SLC2A9: variants seen among roughly 807,000 people sequenced by gnomAD.
SLC2A9 encodes the protein solute carrier family 2 member 9.
In SLC2A9, 39 loss-of-function variants were observed where a neutral mutation model predicts 50.6. That is an observed-to-expected ratio of 0.77 (90% CI 0.60 to 1.01). The LOEUF is 1.01. Ranked by LOEUF, SLC2A9 falls within the 50% of genes least tolerant of loss-of-function variation. The probability of loss-of-function intolerance (pLI) is 0.00; values close to 1 mark genes in which losing one functional copy is unlikely to be tolerated. For missense variants in SLC2A9, 686 were observed against 677.6 expected (o/e 1.01, Z -0.14); for synonymous variants, 324 against 276.9 (o/e 1.17, Z -1.69).
chr4:9,871,362 G>C (rs1577626554), intron 10 of SLC2A9, among the ~76,000 whole-genome samples: 1 of 152,168 alleles, frequency 6.6e-6, no homozygotes, highest in Admixed American at 6.5e-5. Context: ...AATTTATTCT[G>C]TCATTGTTCT....
chr4:9,862,089 T>G (rs1731752320), intron 10 of SLC2A9, among the ~76,000 whole-genome samples: 1 of 152,162 alleles, frequency 6.6e-6, no homozygotes, highest in South Asian at 2.1e-4. Flanking sequence ...AAGAAGTAGA[T>G]GCAGGAAGGC....
chr4:9,971,803 A>G (rs946843110), intron 5 of SLC2A9, among the ~76,000 whole-genome samples: 1 of 152,240 alleles, frequency 6.6e-6, no homozygotes, highest in East Asian at 1.9e-4. Flanking sequence ...GAAGATTCTC[A>G]TATACAGATG....
intron 6 of SLC2A9, among the ~76,000 whole-genome samples, chr4:9,930,719 AG>A (rs1347394099): frequency 2.0e-5 from 3 of 152,220 alleles, no homozygotes; most frequent in Non-Finnish European, 4.4e-5. Context: ...CTTGGCTCTG[AG>A]GTCAGAACAA....
intron 10 of SLC2A9, among the ~76,000 whole-genome samples, chr4:9,840,768 C>T (rs1297555423): frequency 2.1e-5 from 3 of 143,048 alleles, no homozygotes; most frequent in Non-Finnish European, 1.5e-5. Flanking sequence ...TTTTGCACTG[C>T]TATAAAGATA....
intron 5 of SLC2A9, among the ~76,000 whole-genome samples, chr4:9,959,263 G>A (rs990163998): frequency 4.3e-4 from 66 of 151,824 alleles, no homozygotes; most frequent in Admixed American, 1.7e-3. Flanking sequence ...GTGGTGGCGG[G>A]GGCATGTAAT....
chr4:9,854,622 T>A (rs967339444), intron 10 of SLC2A9, among the ~76,000 whole-genome samples: 1 of 152,194 alleles, frequency 6.6e-6, no homozygotes. Flanking sequence ...GCCAGCATGA[T>A]CCTGATACCA....
chr4:9,811,638 G>A (rs983306003), intron 3 of SLC2A9, among the ~76,000 whole-genome samples: 4 of 152,122 alleles, frequency 2.6e-5, no homozygotes, highest in Non-Finnish European at 4.4e-5. Flanking sequence ...TTAAATTCAG[G>A]AGACACCACA....
chr4:10,014,354 A>C (rs962837134), intron 2 of SLC2A9, among the ~76,000 whole-genome samples: 5 of 152,236 alleles, frequency 3.3e-5, no homozygotes, highest in African/African-American at 1.2e-4. Flanking sequence ...GATTCTCTGC[A>C]GGATTCTGAG....
intron 5 of SLC2A9, among the ~76,000 whole-genome samples, chr4:9,953,028 T>C (rs1355111051): frequency 2.0e-5 from 3 of 152,244 alleles, no homozygotes; most frequent in Admixed American, 6.5e-5. Flanking sequence ...GCAAAAGTCC[T>C]AGAATCATAC....
Position 9,782,853 on chromosome 4 carries a change from G to C in SLC2A9, n.386-2788C>G, listed in dbSNP as rs759684877. 3.1e-6 allele frequency: 5 copies of C among 1,612,062 alleles called. No homozygotes were observed. The South Asian group carries it at 4.4e-5, about 14-fold the overall frequency. On this transcript the variant is annotated intron_variant and non_coding_transcript_variant, in intron 3 of 3. Transcript: ENST00000503803. ...GAGCACGCGCAGAGCTGCCGGAGCA[G>C]CGCAGCCTGCGCGCCCGACACCAGC...
intron 8 of SLC2A9, among the ~76,000 whole-genome samples, chr4:9,893,793 C>T (rs1738009986): frequency 6.6e-6 from 1 of 152,066 alleles, no homozygotes; most frequent in South Asian, 2.1e-4. Context: ...ATATCAGGGG[C>T]TTAGAGAGAT....
chr4:9,808,571 C>T (rs972562905), intron 3 of SLC2A9, among the ~76,000 whole-genome samples: 1 of 152,172 alleles, frequency 6.6e-6, no homozygotes, highest in Non-Finnish European at 1.5e-5. Flanking sequence ...TTCTTCCAGC[C>T]TCTCGGGATA....
At chr4:9,772,659 A>G (rs1288006753) in intron 1 of SLC2A9, among the ~76,000 whole-genome samples, 2 of 152,142 alleles carry the variant, frequency 1.3e-5, no homozygotes, top group Non-Finnish European at 2.9e-5. Flanking sequence ...CAAGAAATAA[A>G]CACTTGTTTT....
At chr4:10,007,743 G>A (rs1190014244) in intron 2 of SLC2A9, among the ~76,000 whole-genome samples, 1 of 152,184 alleles carries the variant, frequency 6.6e-6, no homozygotes. Context: ...ATATCCTCCG[G>A]TTGGCCGGAA....
At position 9,910,164 on chromosome 4, in the gene SLC2A9, C is replaced by A. The variant is rs534616068; in HGVS notation, c.1003-1819G>T. On this transcript the variant is annotated intron_variant, in intron 7 of 11. Coordinates refer to ENST00000264784, the MANE Select transcript of SLC2A9 (RefSeq NM_020041.3). The stretch of plus-strand genomic sequence containing the variant: ...AGGCATGGATACATCCATCTATTGG[C>A]AAAAACAGGTTTTAATATTCGTGTA... Among the ~76,000 whole-genome samples, 25 of 152,300 alleles carry A rather than the reference C, an allele frequency of 1.6e-4. No individual in the cohort carries two copies. In the South Asian group the frequency reaches 4.4e-3, roughly 27 times the overall value.
intron 5 of SLC2A9, among the ~76,000 whole-genome samples, chr4:9,962,125 T>C (rs1342796603): frequency 6.6e-6 from 1 of 152,216 alleles, no homozygotes; most frequent in Non-Finnish European, 1.5e-5. Flanking sequence ...AGTGGGAGTG[T>C]AAATTAGTTG....
chr4:9,772,100 G>A (rs1401142173), intron 1 of SLC2A9, among the ~76,000 whole-genome samples: 3 of 152,196 alleles, frequency 2.0e-5, no homozygotes, highest in African/African-American at 7.2e-5. Context: ...AGAACACTGT[G>A]GTTGTGTTTT....
intron 7 of SLC2A9, among the ~76,000 whole-genome samples, chr4:9,908,673 G>A (rs1272434783): frequency 6.6e-6 from 1 of 151,856 alleles, no homozygotes; most frequent in Admixed American, 6.6e-5. Flanking sequence ...ATTTACATTA[G>A]GTATATCTCC....
intron 10 of SLC2A9, among the ~76,000 whole-genome samples, chr4:9,861,600 A>G (rs1391012621): frequency 1.3e-5 from 2 of 152,148 alleles, no homozygotes; most frequent in Non-Finnish European, 2.9e-5. Context: ...TGCTCCATGC[A>G]CTGCTCCAAT....
Sources: allele counts gnomAD v4.1 joint callset (sites outside exome capture counted in the v4.1 genomes callset), GRCh38; gene constraint gnomAD v4.1.1; transcripts MANE v1.5; gene names NCBI Gene and HGNC (gene_info 2026-07-23, HGNC 2026-07-21).